The following SLC2A7 variants were observed in gnomAD, a reference collection of about 807,000 sequenced individuals.
The protein encoded by SLC2A7 is solute carrier family 2 member 7.
In SLC2A7, 50 loss-of-function variants were observed where a neutral mutation model predicts 50.5. The observed-to-expected ratio is 0.99, with a 90% CI of 0.79 to 1.25. The LOEUF (loss-of-function observed/expected upper bound fraction) is 1.25, where lower values mean the gene tolerates loss of function less well. SLC2A7 is among the 50% of genes most tolerant of loss of function. The pLI is 0.00. For missense variants in SLC2A7, 683 were observed against 679.1 expected, an observed-to-expected ratio of 1.01 and a Z score of -0.06; for synonymous variants, 308 against 300.4, an observed-to-expected ratio of 1.03 and a Z score of -0.26.
chr1:8,997,503 C>T, the SLC2A7 span, among the ~76,000 whole-genome samples: 8 of 152,014 alleles, frequency 5.3e-5, no homozygotes, highest in Admixed American at 1.3e-4. Context: ...TGGGTTCAAG[C>T]GATTCTCCTA....
chr1:9,024,037 G>C (rs2124268801), intron 2 of SLC2A7, among the ~76,000 whole-genome samples: 1 of 151,794 alleles, frequency 6.6e-6, no homozygotes, highest in South Asian at 2.1e-4. Flanking sequence ...TGGATTTTTA[G>C]TAGAGATGAG....
chr1:9,001,755 T>C (rs1405663793), downstream of SLC2A7, among the ~76,000 whole-genome samples: 1 of 151,974 alleles, frequency 6.6e-6, no homozygotes, highest in Non-Finnish European at 1.5e-5. Flanking sequence ...AACTTCCCCA[T>C]TGGAGGGAGA....
chr1:9,004,889 A>G lies in SLC2A7; in HGVS notation c.1193-10T>C. On this transcript the variant is annotated splice_polypyrimidine_tract_variant and intron_variant, in intron 10 of 11. Transcript: ENST00000400906. ...ACCGAGGGGACAGGACCTGGAGGGC[A>G]GAGCAGGATGGGTGGGGCGGAGAAG... 2 of 1,612,824 alleles carry G rather than the reference A, an allele frequency of 1.2e-6. No individual in the cohort carries two copies. The highest frequency in any genetic ancestry group is 1.7e-6 in the Non-Finnish European group (2 of 1,179,334).
At chr1:9,006,943 TG>T (rs917052129) in intron 10 of SLC2A7, among the ~76,000 whole-genome samples, 8 of 152,164 alleles carry the variant, frequency 5.3e-5, no homozygotes, top group Non-Finnish European at 7.4e-5. Context: ...GGGTGTGCTG[TG>T]GGCTTGGAGG....
At position 9,013,568 on chromosome 1, in the gene SLC2A7, G is replaced by C. The variant is rs745759012; in HGVS notation, c.971C>G (p.Thr324Arg). 6.2e-7 allele frequency: 1 copy of C among 1,614,058 alleles called. No homozygotes were observed. The highest frequency in any genetic ancestry group is 1.7e-5 in the Admixed American group (1 of 60,020). Residue 324 changes from threonine to arginine, a missense_variant, in exon 8 of 12, where the codon ACG becomes AGG. Coordinates refer to ENST00000400906, the MANE Select transcript of SLC2A7 (RefSeq NM_207420.3). ...TATGTTGACGACGCCAGAGCCCACC[G>C]TTACATATTGGGAGTGAGCGGCCTC... is the stretch of plus-strand genomic sequence containing the variant. ...GVEAAHSQYV[T>R]VGSGVVNIVM...
At chr1:9,013,400 C>A in intron 8 of SLC2A7, 125 bp downstream of exon 8, 1 of 693,696 alleles carries the variant, frequency 1.4e-6, no homozygotes, top group Non-Finnish European at 2.4e-6. Context: ...TCCTAAAGTC[C>A]ATGTCCCTTA....
intron 9 of SLC2A7, among the ~76,000 whole-genome samples, chr1:9,007,596 G>C (rs1400917815): frequency 6.6e-6 from 1 of 152,228 alleles, no homozygotes; most frequent in Non-Finnish European, 1.5e-5. Flanking sequence ...AGCCTCACCT[G>C]ATGAGCGTCA....
downstream of SLC2A7, among the ~76,000 whole-genome samples, chr1:8,999,888 A>T (rs1250536062): frequency 6.6e-6 from 1 of 151,880 alleles, no homozygotes; most frequent in African/African-American, 2.4e-5. Context: ...CCCAATGGAG[A>T]CTCTGGGATG....
chr1:9,014,637 G>A (rs1161737549), intron 7 of SLC2A7, 44 bp downstream of exon 7: 1 of 1,545,308 alleles, frequency 6.5e-7, no homozygotes, highest in African/African-American at 1.4e-5. Flanking sequence ...ATGAAGCCTG[G>A]GTCTGCTTCA....
chr1:9,013,445 T>C, intron 8 of SLC2A7, 80 bp downstream of exon 8: 1 of 1,255,184 alleles, frequency 8.0e-7, no homozygotes, highest in Non-Finnish European at 1.1e-6. Context: ...AGCACTCAGT[T>C]CACTCTGTGG....
chr1:9,012,173 A>G (rs1307459080), intron 8 of SLC2A7, among the ~76,000 whole-genome samples: 1 of 152,160 alleles, frequency 6.6e-6, no homozygotes, highest in Non-Finnish European at 1.5e-5. Context: ...CAACAGACAG[A>G]CTATCACTGC....
chr1:9,005,798 A>G (rs1366406807), intron 10 of SLC2A7, among the ~76,000 whole-genome samples: 8 of 151,794 alleles, frequency 5.3e-5, no homozygotes, highest in East Asian at 1.9e-4. Flanking sequence ...AAAAAAAAAA[A>G]AAGAAGGAAA....
rs776736703 is a variant in SLC2A7 at position 9,015,114 on chromosome 1, T to C, written c.715+3A>G. ...CCTGGGAGAGTAGCCGGCGACTTCA[T>C]ACCTTGTCGCGCTGTGGCTTCATCT... On this transcript the variant is annotated splice_donor_region_variant and intron_variant, in intron 6 of 11. Coordinates refer to ENST00000400906, the MANE Select transcript of SLC2A7 (RefSeq NM_207420.3). 8 of 1,613,002 alleles carry C rather than the reference T, an allele frequency of 5.0e-6. No individual in the cohort carries two copies. The East Asian group carries it at 1.6e-4, about 31-fold the overall frequency.
intron 11 of SLC2A7, among the ~76,000 whole-genome samples, 170 bp from the exon 12 acceptor site, chr1:9,003,688 T>C (rs747589284): frequency 6.6e-6 from 1 of 152,044 alleles, no homozygotes; most frequent in Admixed American, 6.6e-5. Flanking sequence ...TGAAACCCTG[T>C]CTCTATTAAA....
intron 2 of SLC2A7, 50 bp downstream of exon 2, chr1:9,024,926 G>A: frequency 6.3e-7 from 1 of 1,594,498 alleles, no homozygotes; most frequent in Non-Finnish European, 8.6e-7. Context: ...TTCCACCCAC[G>A]ACCCCGGTCA....
In SLC2A7 at chr1:9,014,185, T is replaced by A. The variant is rs1018289574; in HGVS notation, c.903+496A>T. 1.5e-4 allele frequency among the ~76,000 whole-genome samples: 23 copies of A among 152,266 alleles called. 1 individual carries two copies. Among genetic ancestry groups the A allele is most frequent in the Non-Finnish European group, 2.8e-4 (19 of 68,044 alleles). ...CTTCCCGACACGCCACTGGAGCAAC[T>A]GGGTCACCCACCCAATCTCCAGTGT... On this transcript the variant is annotated intron_variant, in intron 7 of 11. Transcript: ENST00000400906.
chr1:9,014,425 T>A lies in SLC2A7; in HGVS notation c.903+256A>T, dbSNP rs1281818734. On this transcript the variant is annotated intron_variant, in intron 7 of 11. Transcript: ENST00000400906. ...TCATCTCAGTCTAGCTGGTCTCTTG[T>A]ATAGAAGGGAAAGGACTATTGGCAG... 2.0e-3 allele frequency among the ~76,000 whole-genome samples: 312 copies of A among 152,206 alleles called. 3 individuals are homozygous for A. The highest frequency in any genetic ancestry group is 3.1e-4 in the Non-Finnish European group (21 of 68,008).
chr1:9,015,107 G>A lies in SLC2A7; in HGVS notation c.715+10C>T, dbSNP rs1311483450. ...GGCAGGGCCTGGGAGAGTAGCCGGC[G>A]ACTTCATACCTTGTCGCGCTGTGGC... is the stretch of plus-strand genomic sequence containing the variant. On this transcript the variant is annotated intron_variant, in intron 6 of 11. Coordinates refer to ENST00000400906, the MANE Select transcript of SLC2A7 (RefSeq NM_207420.3). 16 of 1,612,776 alleles carry A rather than the reference G, an allele frequency of 9.9e-6. No homozygotes were observed. The highest frequency in any genetic ancestry group is 1.3e-5 in the Non-Finnish European group (15 of 1,179,660).
At chr1:8,992,717 A>G in the SLC2A7 span, among the ~76,000 whole-genome samples, 1 of 152,176 alleles carries the variant, frequency 6.6e-6, no homozygotes, top group African/African-American at 2.4e-5. Context: ...CCTGGCTTCC[A>G]GTATAGCCGG....
Sources: allele counts gnomAD v4.1 joint callset (sites outside exome capture counted in the v4.1 genomes callset), GRCh38; gene constraint gnomAD v4.1.1; transcripts MANE v1.5; gene names NCBI Gene and HGNC (gene_info 2026-07-23, HGNC 2026-07-21).